LINGO2: variants seen among roughly 807,000 people sequenced by gnomAD.
LINGO2 encodes leucine rich repeat and Ig domain containing 2.
LINGO2 carries 14 observed loss-of-function variants against 30.6 expected under a neutral mutation model. The observed-to-expected ratio is 0.46, with a 90% CI of 0.30 to 0.72. The LOEUF is 0.72. Ranked by LOEUF, LINGO2 falls within the 30% of genes least tolerant of loss-of-function variation. LINGO2 has a pLI of 0.07. For synonymous variants in LINGO2, 317 were observed against 288.5 expected, an observed-to-expected ratio of 1.10 and a Z score of -1.00; for missense variants, 729 against 751.7, an observed-to-expected ratio of 0.97 and a Z score of 0.35.
intron 4 of LINGO2, among the ~76,000 whole-genome samples, chr9:28,259,057 T>C (rs1026221869): frequency 2.6e-5 from 4 of 152,016 alleles, no homozygotes; most frequent in African/African-American, 9.7e-5. Context: ...TCTCCAGAAT[T>C]AGTCTGTTTG....
chr9:28,810,470 T>C, the LINGO2 span, among the ~76,000 whole-genome samples: 1 of 152,178 alleles, frequency 6.6e-6, no homozygotes, highest in East Asian at 1.9e-4. Context: ...TCACCTCACA[T>C]ACCAACTTTG....
intron 1 of LINGO2, among the ~76,000 whole-genome samples, chr9:28,651,961 G>A (rs114418769): frequency 7.9e-5 from 12 of 152,076 alleles, no homozygotes; most frequent in African/African-American, 2.7e-4. Flanking sequence ...TCCAATATTC[G>A]AAGGCTACCT....
intron 1 of LINGO2, among the ~76,000 whole-genome samples, chr9:28,489,876 A>G (rs1301330795): frequency 6.8e-6 from 1 of 146,296 alleles, no homozygotes; most frequent in Non-Finnish European, 1.5e-5. Flanking sequence ...CCAGCCTGGA[A>G]ACAGAGCAAG....
the LINGO2 span, among the ~76,000 whole-genome samples, chr9:28,973,956 A>G: frequency 2.9e-4 from 44 of 152,248 alleles, no homozygotes; most frequent in Non-Finnish European, 5.6e-4. Flanking sequence ...CTGAGGGTAT[A>G]AAACTCACTG....
intron 3 of LINGO2, among the ~76,000 whole-genome samples, chr9:28,333,480 G>A (rs16912709): frequency 0.019 from 2,899 of 152,220 alleles, 92 homozygotes; most frequent in African/African-American, 0.066. Context: ...GCAAAGTCAA[G>A]CCACAATGGT....
At chr9:28,885,360 T>TAC in the LINGO2 span, among the ~76,000 whole-genome samples, 1 of 144,140 alleles carries the variant, frequency 6.9e-6, no homozygotes, top group African/African-American at 2.6e-5. Flanking sequence ...TATATATATA[T>TAC]ACACACACAC....
At chr9:29,156,260 G>T in the LINGO2 span, among the ~76,000 whole-genome samples, 1 of 151,990 alleles carries the variant, frequency 6.6e-6, no homozygotes. Flanking sequence ...TTTCAAGAGA[G>T]AAAAAAGCCC....
At chr9:28,252,104 A>C (rs1229974937) in intron 4 of LINGO2, among the ~76,000 whole-genome samples, 1 of 152,214 alleles carries the variant, frequency 6.6e-6, no homozygotes. Flanking sequence ...TTTTCAGAAG[A>C]AGCACAAACA....
the LINGO2 span, among the ~76,000 whole-genome samples, chr9:28,899,597 G>C: frequency 1.6e-4 from 25 of 152,322 alleles, no homozygotes; most frequent in South Asian, 5.0e-3. Flanking sequence ...CAGCTGCCAT[G>C]CCATGCCCTG....
chr9:29,005,214 C>T, the LINGO2 span, among the ~76,000 whole-genome samples: 6 of 151,850 alleles, frequency 4.0e-5, no homozygotes, highest in South Asian at 2.1e-4. Context: ...TGCTTAAAAA[C>T]GTTTCTTGGA....
Position 28,226,890 on chromosome 9 carries a change from CT to C in LINGO2, c.-87+68317del, listed in dbSNP as rs539350371. Reference sequence around the variant, plus strand: ...ATAGGCAATTTAAAGTGCAATTGACCTTAGTAAGTACTAAGCCAATTTTTCG... The same window carrying C: ...ATAGGCAATTTAAAGTGCAATTGACCTAGTAAGTACTAAGCCAATTTTTCG... On this transcript the variant is annotated intron_variant, in intron 4 of 5. Transcript: ENST00000379992. 7.9e-5 allele frequency among the ~76,000 whole-genome samples: 12 copies of C among 152,098 alleles called. No individual in the cohort carries two copies. In the South Asian group the frequency reaches 2.3e-3, roughly 29 times the overall value.
the LINGO2 span, among the ~76,000 whole-genome samples, chr9:29,003,237 G>A: frequency 2.0e-5 from 3 of 152,038 alleles, no homozygotes; most frequent in East Asian, 3.9e-4. Context: ...TTAAGTCACC[G>A]AGTTTGTGGT....
In LINGO2 at chr9:28,640,509, C is replaced by T. The variant is rs117848447; in HGVS notation, c.-365+29691G>A. ...ACACAGTCCCATATTTCTTGGAGGC[C>T]TTGTTCTTTTTTTTTTTTTTAATTG... On this transcript the variant is annotated intron_variant, in intron 1 of 5. Coordinates refer to ENST00000379992, the Ensembl canonical transcript of LINGO2. Among the ~76,000 whole-genome samples, 1,390 of 140,140 alleles carry T rather than the reference C, an allele frequency of 9.9e-3. 25 individuals carry two copies. Among genetic ancestry groups the T allele is most frequent in the East Asian group, 0.085 (405 of 4,774 alleles). 91.9% of individuals were successfully genotyped at this position (140,140 alleles called of 152,430 possible).
intron 3 of LINGO2, among the ~76,000 whole-genome samples, chr9:28,360,969 A>G (rs2134505840): frequency 6.6e-6 from 1 of 152,342 alleles, no homozygotes; most frequent in Admixed American, 6.5e-5. Context: ...CCATTGTTTC[A>G]GTTACCCATG....
chr9:29,005,944 G>A, the LINGO2 span, among the ~76,000 whole-genome samples: 3 of 151,698 alleles, frequency 2.0e-5, no homozygotes, highest in African/African-American at 2.4e-5. Flanking sequence ...TGACAGATAC[G>A]AGACCAATGG....
rs1209279757 is a variant in LINGO2 at position 27,980,434 on chromosome 9, C to CA, written c.-35-29729dup. 2.0e-5 allele frequency among the ~76,000 whole-genome samples: 3 copies of CA among 152,036 alleles called. No individual in the cohort carries two copies. In the East Asian group the frequency reaches 5.8e-4, roughly 30 times the overall value. On this transcript the variant is annotated intron_variant, in intron 5 of 5. Transcript: ENST00000379992. ...GAAAACTGTCCAAGCTTCTGGCCATCAAGTATTACACATTTATTTATTTAC... is the reference window on the plus strand; with the variant it reads ...GAAAACTGTCCAAGCTTCTGGCCATCAAAGTATTACACATTTATTTATTTAC...
At chr9:28,407,215 A>G (rs947000374) in intron 2 of LINGO2, among the ~76,000 whole-genome samples, 1 of 151,768 alleles carries the variant, frequency 6.6e-6, no homozygotes, top group East Asian at 1.9e-4. Context: ...TAATTTAAAA[A>G]CAATAAAAAA....
the LINGO2 span, among the ~76,000 whole-genome samples, chr9:29,153,344 G>A: frequency 6.6e-6 from 1 of 151,950 alleles, no homozygotes; most frequent in African/African-American, 2.4e-5. Flanking sequence ...TTTTATTAAA[G>A]GTAACATGAC....
At chr9:28,270,244 C>T (rs1822893665) in intron 4 of LINGO2, among the ~76,000 whole-genome samples, 4 of 152,142 alleles carry the variant, frequency 2.6e-5, no homozygotes, top group East Asian at 3.9e-4. Flanking sequence ...CTTCAGTCAG[C>T]CTGTGGGGTG....
Sources: allele counts gnomAD v4.1 joint callset (sites outside exome capture counted in the v4.1 genomes callset), GRCh38; gene constraint gnomAD v4.1.1; transcripts MANE v1.5; gene names NCBI Gene and HGNC (gene_info 2026-07-23, HGNC 2026-07-21).